ZFPM2: variants seen among roughly 807,000 people sequenced by gnomAD.
The protein encoded by ZFPM2 is zinc finger protein ZFPM2.
In ZFPM2, 20 loss-of-function variants were observed where a neutral mutation model predicts 98.6. The ratio of observed to expected loss-of-function variants is 0.20; its 90% CI spans 0.14 to 0.29. The LOEUF is 0.29. ZFPM2 is among the 10% of genes least tolerant of loss of function. The probability of loss-of-function intolerance (pLI) is 1.00; values close to 1 mark genes in which losing one functional copy is unlikely to be tolerated. For synonymous variants in ZFPM2, 518 were observed against 502.7 expected, an observed-to-expected ratio of 1.03 and a Z score of -0.41; for missense variants, 1,310 against 1,388.6, an observed-to-expected ratio of 0.94 and a Z score of 0.90.
In ZFPM2 at chr8:105,702,870, G is replaced by A. The variant is rs544904813; in HGVS notation, c.532+68513G>A. ...TTTTGTTTCTCTCTGACATTGTGGA[G>A]CCAAGAGTCACAAATGTTGGGATGG... On this transcript the variant is annotated intron_variant, in intron 5 of 7. Coordinates refer to ENST00000407775, the MANE Select transcript of ZFPM2 (RefSeq NM_012082.4). Among the ~76,000 whole-genome samples, 12 of 152,322 alleles carry A rather than the reference G, an allele frequency of 7.9e-5. 1 individual carries two copies. The South Asian group carries it at 2.5e-3, about 32-fold the overall frequency.
chr8:105,703,285 CA>C (rs1189089542), intron 5 of ZFPM2, among the ~76,000 whole-genome samples: 1 of 152,078 alleles, frequency 6.6e-6, no homozygotes, highest in Non-Finnish European at 1.5e-5. Flanking sequence ...GCTATCCACA[CA>C]AAGATTTAAG....
chr8:105,568,512 G>C (rs373654702), intron 4 of ZFPM2, among the ~76,000 whole-genome samples: 1 of 152,048 alleles, frequency 6.6e-6, no homozygotes, highest in Non-Finnish European at 1.5e-5. Flanking sequence ...TCTATTCAGA[G>C]TCAAACATCT....
At chr8:105,696,378 A>G (rs776406295) in intron 5 of ZFPM2, among the ~76,000 whole-genome samples, 6 of 152,160 alleles carry the variant, frequency 3.9e-5, no homozygotes, top group Non-Finnish European at 5.9e-5. Flanking sequence ...CCTGCGTAAT[A>G]AAGTGTGACT....
intron 5 of ZFPM2, among the ~76,000 whole-genome samples, chr8:105,728,587 G>A (rs72676004): frequency 0.16 from 24,784 of 151,704 alleles, 2,345 homozygotes; most frequent in Non-Finnish European, 0.22. Context: ...GCCTGTCAAT[G>A]AGACAGGGGA....
At chr8:105,651,459 C>T (rs1449640973) in intron 5 of ZFPM2, among the ~76,000 whole-genome samples, 1 of 96,152 alleles carries the variant, frequency 1.0e-5, no homozygotes, top group African/African-American at 3.5e-5. Context: ...CAGTGAGACT[C>T]CATCTCAAAA....
At chr8:105,737,362 A>G (rs1812100372) in intron 5 of ZFPM2, 2 of 153,328 alleles carry the variant, frequency 1.3e-5, no homozygotes, top group Admixed American at 6.6e-5. Context: ...CAGCCCACAG[A>G]CTGGGCAGTC....
intron 4 of ZFPM2, among the ~76,000 whole-genome samples, chr8:105,633,216 G>A (rs904455243): frequency 2.6e-5 from 4 of 152,186 alleles, no homozygotes; most frequent in African/African-American, 9.7e-5. Flanking sequence ...GCATCATGTG[G>A]AAAAGTCCCA....
intron 3 of ZFPM2, among the ~76,000 whole-genome samples, chr8:105,478,599 G>C (rs1440345040): frequency 3.9e-5 from 6 of 152,152 alleles, no homozygotes; most frequent in Non-Finnish European, 8.8e-5. Flanking sequence ...CTTCCTAATG[G>C]CACAGAAATT....
intron 3 of ZFPM2, among the ~76,000 whole-genome samples, chr8:105,500,176 T>C (rs1232896024): frequency 6.6e-6 from 1 of 152,222 alleles, no homozygotes. Flanking sequence ...GATAATTTAA[T>C]GATTTCTCCT....
chr8:105,318,474 G>GCGC lies in ZFPM2; in HGVS notation c.-465_-463dup, dbSNP rs527358680. 7.8e-4 allele frequency among the ~76,000 whole-genome samples: 118 copies of GCGC among 150,934 alleles called. 3 individuals are homozygous for GCGC. In the South Asian group the frequency reaches 0.024, roughly 31 times the overall value. On this transcript the variant is annotated 5_prime_UTR_variant, in exon 1 of 8. Transcript: ENST00000407775. ...TGCGCGGCCCGGAGCGGCGGCGGCGGCGCCGGAGTATCCGTCCCGCACGCC... is the reference window on the plus strand; with the variant it reads ...TGCGCGGCCCGGAGCGGCGGCGGCGGCGCCGCCGGAGTATCCGTCCCGCACGCC...
At chr8:105,374,375 A>G (rs1810681436) in intron 1 of ZFPM2, among the ~76,000 whole-genome samples, 2 of 152,154 alleles carry the variant, frequency 1.3e-5, no homozygotes, top group Non-Finnish European at 2.9e-5. Flanking sequence ...GGAAACTATT[A>G]TGTTACTTAA....
chr8:105,623,379 T>A (rs903415696), intron 4 of ZFPM2, among the ~76,000 whole-genome samples: 1 of 152,190 alleles, frequency 6.6e-6, no homozygotes, highest in Non-Finnish European at 1.5e-5. Flanking sequence ...TAATAACAGG[T>A]ATATTTTAAG....
chr8:105,566,442 A>C (rs1815245639), intron 4 of ZFPM2, among the ~76,000 whole-genome samples: 1 of 152,170 alleles, frequency 6.6e-6, no homozygotes, highest in Non-Finnish European at 1.5e-5. Flanking sequence ...AGAAATTTTA[A>C]AAATCACCTT....
chr8:105,486,768 A>T (rs1813237685), intron 3 of ZFPM2, among the ~76,000 whole-genome samples: 1 of 152,148 alleles, frequency 6.6e-6, no homozygotes. Flanking sequence ...GAGTTTATTT[A>T]TTTGCAATGA....
At chr8:105,332,634 A>G (rs1421318220) in intron 1 of ZFPM2, among the ~76,000 whole-genome samples, 4 of 151,686 alleles carry the variant, frequency 2.6e-5, no homozygotes, top group Admixed American at 1.3e-4. Flanking sequence ...CAATTAGTGC[A>G]TTACATAGTA....
At chr8:105,534,208 C>A (rs1814391377) in intron 3 of ZFPM2, among the ~76,000 whole-genome samples, 1 of 64,006 alleles carries the variant, frequency 1.6e-5, no homozygotes, top group East Asian at 4.8e-4. Context: ...TCCCTCCCTT[C>A]TTCCTTCTTT....
At chr8:105,444,219 G>C (rs1482186862) in intron 2 of ZFPM2, 61 bp from the exon 3 acceptor site, 1 of 1,294,158 alleles carries the variant, frequency 7.7e-7, no homozygotes, top group African/African-American at 1.5e-5. Context: ...TTATGAGGGT[G>C]TGAATGTGAA....
intron 1 of ZFPM2, among the ~76,000 whole-genome samples, chr8:105,348,568 A>G (rs1418291333): frequency 6.6e-6 from 1 of 152,188 alleles, no homozygotes; most frequent in African/African-American, 2.4e-5. Context: ...AAGAAATGTA[A>G]AGAAGAAAAG....
At chr8:105,463,763 A>G (rs1013756149) in intron 3 of ZFPM2, among the ~76,000 whole-genome samples, 1 of 151,892 alleles carries the variant, frequency 6.6e-6, no homozygotes, top group African/African-American at 2.4e-5. Flanking sequence ...TTTTTTCCCA[A>G]AAAGGAAGAT....
Sources: gnomAD v4.1 joint callset for allele counts (sites outside exome capture counted in the v4.1 genomes callset) on GRCh38, gnomAD v4.1.1 for gene constraint, MANE v1.5 for transcripts, NCBI Gene and HGNC (gene_info 2026-07-23, HGNC 2026-07-21) for gene names.